Variants in CPEB3 observed in about 807,000 individuals in gnomAD.
CPEB3 encodes the protein cytoplasmic polyadenylation element binding protein 3.
Under a neutral mutation model 67.2 loss-of-function variants are expected in CPEB3, and 20 were observed. That is an observed-to-expected ratio of 0.30 (90% confidence interval 0.21 to 0.43). The LOEUF (loss-of-function observed/expected upper bound fraction) is 0.43. Ranked by LOEUF, CPEB3 falls within the 20% of genes least tolerant of loss-of-function variation. The pLI is 1.00. For missense variants in CPEB3, 746 were observed against 968.6 expected (o/e 0.77, Z 3.05); for synonymous variants, 376 against 393.1 (o/e 0.96, Z 0.51).
chr10:92,264,327 CAAAA>C (rs1216678647), intron 1 of CPEB3, among the ~76,000 whole-genome samples: 4 of 86,660 alleles, frequency 4.6e-5, no homozygotes, highest in Non-Finnish European at 7.2e-5. Flanking sequence ...GACTCCATCT[CAAAA>C]AAAAAAAAAA....
chr10:92,108,817 C>CATT (rs1844594101), intron 7 of CPEB3, among the ~76,000 whole-genome samples: 1 of 152,088 alleles, frequency 6.6e-6, no homozygotes, highest in Non-Finnish European at 1.5e-5. Flanking sequence ...TTCAAAAGTC[C>CATT]TTCAATCCAA....
chr10:92,236,969 GCT>G (rs1851568773), intron 2 of CPEB3, among the ~76,000 whole-genome samples: 1 of 147,726 alleles, frequency 6.8e-6, no homozygotes, highest in African/African-American at 2.7e-5. Context: ...AAATAAAGTT[GCT>G]ATTCTATAAA....
chr10:92,158,571 T>C (rs934018574), intron 4 of CPEB3, among the ~76,000 whole-genome samples: 1 of 152,142 alleles, frequency 6.6e-6, no homozygotes, highest in African/African-American at 2.4e-5. Flanking sequence ...GTATAGAAAT[T>C]TTATATACAA....
At chr10:92,137,656 A>G (rs1846168217) in intron 6 of CPEB3, 2 of 554,880 alleles carry the variant, frequency 3.6e-6, no homozygotes, top group South Asian at 4.2e-5. Context: ...CTTGTATGAA[A>G]CCCTGATTGT....
intron 7 of CPEB3, among the ~76,000 whole-genome samples, chr10:92,096,075 C>G (rs569422677): frequency 1.5e-4 from 22 of 149,792 alleles, no homozygotes; most frequent in African/African-American, 4.9e-4. Context: ...TGGGGTTTCA[C>G]CACGTTGGCC....
chr10:92,224,137 T>A (rs1450793989), intron 2 of CPEB3, among the ~76,000 whole-genome samples: 1 of 152,138 alleles, frequency 6.6e-6, no homozygotes, highest in Non-Finnish European at 1.5e-5. Flanking sequence ...TGACCTCAAG[T>A]GTTCCACCCA....
At chr10:92,085,023 A>G (rs1693530809) in intron 8 of CPEB3, among the ~76,000 whole-genome samples, 1 of 152,200 alleles carries the variant, frequency 6.6e-6, no homozygotes, top group Admixed American at 6.5e-5. Context: ...GCATACTTAA[A>G]TGAACTCATT....
At chr10:92,120,588 A>T (rs550235205) in intron 6 of CPEB3, among the ~76,000 whole-genome samples, 2 of 152,144 alleles carry the variant, frequency 1.3e-5, no homozygotes, top group South Asian at 4.1e-4. Context: ...TCTCAAAAAA[A>T]ACAAAAAACA....
At chr10:92,289,934 G>C (rs11816877) in intron 1 of CPEB3, among the ~76,000 whole-genome samples, 1 of 125,670 alleles carries the variant, frequency 8.0e-6, no homozygotes, top group African/African-American at 3.7e-5. Flanking sequence ...GTGGTGGGGG[G>C]GGGTGGGTGC....
chr10:92,245,956 AG>A (rs1232168333), intron 1 of CPEB3, among the ~76,000 whole-genome samples: 1 of 151,702 alleles, frequency 6.6e-6, no homozygotes, highest in Non-Finnish European at 1.5e-5. Flanking sequence ...GAGAATCACT[AG>A]AACCTGGGAG....
chr10:92,120,285 C>A (rs1259320409), intron 6 of CPEB3, among the ~76,000 whole-genome samples: 6 of 117,682 alleles, frequency 5.1e-5, no homozygotes, highest in Admixed American at 4.5e-4. Flanking sequence ...AACAAACAAA[C>A]AAAAAACCAA....
At position 92,052,179 on chromosome 10, in the gene CPEB3, A is replaced by G. The variant is rs756455303; in HGVS notation, c.*33T>C. 8.2e-6 allele frequency: 12 copies of G among 1,472,160 alleles called. No individual in the cohort carries two copies. Among genetic ancestry groups the G allele is most frequent in the Admixed American group, 1.7e-5 (1 of 59,396 alleles). 91.2% of individuals were successfully genotyped at this position (1,472,160 alleles called of 1,614,324 possible). On this transcript the variant is annotated 3_prime_UTR_variant, in exon 10 of 10. Coordinates refer to ENST00000265997, the MANE Select transcript of CPEB3 (RefSeq NM_014912.5). Reference sequence around the variant, plus strand: ...CCTCTCTTTTCCCTCCTTGTTATCTACTCCAGTACTTGTGGCTGGGTCGGC... The same window carrying G: ...CCTCTCTTTTCCCTCCTTGTTATCTGCTCCAGTACTTGTGGCTGGGTCGGC...
At chr10:92,061,419 CAAAA>C (rs148327302) in intron 9 of CPEB3, among the ~76,000 whole-genome samples, 5 of 93,356 alleles carry the variant, frequency 5.4e-5, no homozygotes, top group Admixed American at 1.1e-4. Flanking sequence ...AATTCTGTCT[CAAAA>C]AAAAAAAAAA....
chr10:92,179,393 A>C (rs1232228821), intron 4 of CPEB3, among the ~76,000 whole-genome samples: 1 of 152,204 alleles, frequency 6.6e-6, no homozygotes, highest in African/African-American at 2.4e-5. Flanking sequence ...AAGAGGATTC[A>C]CATCATGTCA....
intron 4 of CPEB3, among the ~76,000 whole-genome samples, chr10:92,162,760 T>C (rs1847549966): frequency 6.6e-6 from 1 of 152,222 alleles, no homozygotes; most frequent in Non-Finnish European, 1.5e-5. Context: ...TTATTCCTTA[T>C]GACTTGGCCT....
In CPEB3 at chr10:92,206,808, A is replaced by C. The variant is rs188750365; in HGVS notation, c.1006-14172T>G. On this transcript the variant is annotated intron_variant, in intron 2 of 9. Transcript: ENST00000265997. ...TCACTTAAGTAAACCGTTTCCCCAA[A>C]ATATGGAAACAAACTGAAGTAAAAC... is the stretch of plus-strand genomic sequence containing the variant. 1.5e-3 allele frequency among the ~76,000 whole-genome samples: 234 copies of C among 152,330 alleles called. 1 individual carries two copies. The highest frequency in any genetic ancestry group is 2.6e-3 in the Non-Finnish European group (177 of 68,032).
intron 9 of CPEB3, among the ~76,000 whole-genome samples, chr10:92,058,926 AAAGT>A (rs1260604082): frequency 1.3e-5 from 2 of 152,222 alleles, no homozygotes; most frequent in Non-Finnish European, 2.9e-5. Flanking sequence ...GTTAGGTCAC[AAAGT>A]AAGTCTTAAA....
chr10:92,286,446 G>A (rs1483152988), intron 1 of CPEB3, among the ~76,000 whole-genome samples: 5 of 151,866 alleles, frequency 3.3e-5, no homozygotes, highest in Admixed American at 6.6e-5. Context: ...TTAGCTGGGC[G>A]TGGTGATGCA....
chr10:92,222,607 T>C (rs560556951), intron 2 of CPEB3, among the ~76,000 whole-genome samples: 8 of 152,276 alleles, frequency 5.3e-5, no homozygotes, highest in African/African-American at 1.7e-4. Flanking sequence ...TTGGGTGCCA[T>C]GTTGTTGGGT....
Sources: allele counts gnomAD v4.1 joint callset (sites outside exome capture counted in the v4.1 genomes callset), GRCh38; gene constraint gnomAD v4.1.1; transcripts MANE v1.5; gene names NCBI Gene and HGNC (gene_info 2026-07-23, HGNC 2026-07-21).